CDC6: variants seen among roughly 807,000 people sequenced by gnomAD.
CDC6 encodes the protein DNA replication factor CDC6.
Under a neutral mutation model 60.2 loss-of-function variants are expected in CDC6, and 46 were observed. That is an observed-to-expected ratio of 0.76 (90% confidence interval 0.60 to 0.98). The LOEUF is 0.98. Among genes scored for constraint, CDC6 ranks in the 50% least tolerant of loss-of-function variants. CDC6 has a pLI of 0.00. For missense variants in CDC6, 596 were observed against 652.9 expected (o/e 0.91, Z 0.95); for synonymous variants, 210 against 233.2 (o/e 0.90, Z 0.90).
rs1360683641 is a variant in CDC6, at chr17:40,291,150, C to G, written c.271C>G (p.Leu91Val). 2 of 1,613,994 alleles carry G rather than the reference C, an allele frequency of 1.2e-6. No homozygotes were observed. Among genetic ancestry groups the G allele is most frequent in the African/African-American group, 1.3e-5 (1 of 74,926 alleles). ...KENGPPHSHT[L>V]KGRRLVFDNQ... Reference sequence around the variant, plus strand: ...GAATGGTCCCCCTCACTCACATACACTTAAGGGACGAAGATTGGTATTTGA... The same window carrying G: ...GAATGGTCCCCCTCACTCACATACAGTTAAGGGACGAAGATTGGTATTTGA... The change falls in exon 3 of 12, where the codon CTT (leucine) becomes GTT (valine). Residue 91 changes from leucine (L) to valine (V), a missense_variant. By Grantham distance (32) the Leu-to-Val change is conservative. Coordinates refer to ENST00000209728, the MANE Select transcript of CDC6 (RefSeq NM_001254.4).
At position 40,294,473 on chromosome 17, in the gene CDC6, A is replaced by G. The variant is rs1335292910; in HGVS notation, c.1053A>G (p.Ile351Met). The G allele has an allele frequency of 3.1e-6, 5 of 1,613,988 alleles. No individual in the cohort carries two copies. The highest frequency in any genetic ancestry group is 2.7e-5 in the African/African-American group (2 of 74,952). The change falls in exon 7 of 12, where the codon ATA becomes ATG. Residue 351 changes from isoleucine to methionine, a missense_variant. Coordinates refer to ENST00000209728, the MANE Select transcript of CDC6 (RefSeq NM_001254.4). ...TCCCACCTTATACCAGAAATCAGATAGTCACTATTTTGCAAGATCGACTTA... is the reference window on the plus strand; with the variant it reads ...TCCCACCTTATACCAGAAATCAGATGGTCACTATTTTGCAAGATCGACTTA... The part of the protein sequence containing the change: ...LNFPPYTRNQ[I>M]VTILQDRLNQ...
In CDC6 at chr17:40,295,455, A is replaced by T; in HGVS notation, c.1183A>T (p.Arg395Trp). 1 of 1,590,158 alleles carries T rather than the reference A, an allele frequency of 6.3e-7. No individual in the cohort carries two copies. The highest frequency in any genetic ancestry group is 8.6e-7 in the Non-Finnish European group (1 of 1,158,048). ...TGTTCGCAAAGCACTGGATGTTTGCAGGTGAGTTACGGCTCTGTTGCATTC... is the reference window on the plus strand; with the variant it reads ...TGTTCGCAAAGCACTGGATGTTTGCTGGTGAGTTACGGCTCTGTTGCATTC... ...GDVRKALDVC[R>W]RAIEIVESDV... is the part of the protein sequence containing the mutation. The change falls in exon 8 of 12, where the codon AGG (arginine) becomes TGG (tryptophan). Residue 395 changes from arginine to tryptophan, a missense_variant and splice_region_variant. Physicochemically the swap from Arg to Trp is moderately radical, Grantham distance 101. Transcript: ENST00000209728.
At position 40,297,467 on chromosome 17, in the gene CDC6, G is replaced by A. The variant is rs1184207288; in HGVS notation, c.1249+700G>A. Among the ~76,000 whole-genome samples the A allele has an allele frequency of 3.9e-5, 6 of 152,274 alleles. No homozygotes were observed. The East Asian group carries it at 7.7e-4, about 20-fold the overall frequency. On this transcript the variant is annotated intron_variant, in intron 9 of 11. Transcript: ENST00000209728. ...CACAGGGAGGGGAACATCACACACC[G>A]GAGGCTGTTGGGGGTGGAGGCCAAA...
chr17:40,299,136 G>GTTTTTTTTTTT (rs2032900365), intron 9 of CDC6, among the ~76,000 whole-genome samples: 4 of 101,644 alleles, frequency 3.9e-5, no homozygotes, highest in East Asian at 4.1e-4. Context: ...TAAGGCCATA[G>GTTTTTTTTTTT]TCTTTTTTTT....
At chr17:40,300,002 C>T (rs773659550) in intron 9 of CDC6, among the ~76,000 whole-genome samples, 3 of 151,568 alleles carry the variant, frequency 2.0e-5, no homozygotes, top group South Asian at 2.1e-4. Flanking sequence ...TCACTCTTGT[C>T]GTCCAGGCTG....
At chr17:40,289,703 C>CTTTTT (rs34020648) in intron 2 of CDC6, 105 bp downstream of exon 2, 80 of 333,676 alleles carry the variant, frequency 2.4e-4, no homozygotes, top group East Asian at 5.1e-4. Flanking sequence ...GTTAAGACTT[C>CTTTTT]TTTTTTTTTT....
At chr17:40,298,821 A>G (rs1182034307) in intron 9 of CDC6, among the ~76,000 whole-genome samples, 3 of 152,232 alleles carry the variant, frequency 2.0e-5, no homozygotes, top group Non-Finnish European at 2.9e-5. Flanking sequence ...TGGGTTCTCC[A>G]GCATTGAAGA....
intron 2 of CDC6, 139 bp downstream of exon 2, chr17:40,289,737 C>G: frequency 1.6e-6 from 1 of 625,110 alleles, no homozygotes; most frequent in Non-Finnish European, 2.6e-6. Context: ...GAGACAGAGT[C>G]TCGCTCCATC....
Position 40,291,666 on chromosome 17 carries a change from A to G in CDC6, c.658A>G (p.Lys220Glu). Reference protein sequence around the residue: ...ACLSRILQDLKKELKGFKTIM... With the variant: ...ACLSRILQDLEKELKGFKTIM... ...CTTAAGCCGGATTCTGCAAGACCTC[A>G]AGGTACATTGAGAGTCTGAATTATG... Residue 220 changes from lysine (K) to glutamate (E), a missense_variant and splice_region_variant, in exon 4 of 12, where the codon AAG (lysine) becomes GAG (glutamate). Coordinates refer to ENST00000209728, the MANE Select transcript of CDC6 (RefSeq NM_001254.4). 1 of 1,613,306 alleles carries G rather than the reference A, an allele frequency of 6.2e-7. No individual in the cohort carries two copies. The highest frequency in any genetic ancestry group is 8.5e-7 in the Non-Finnish European group (1 of 1,179,248).
intron 1 of CDC6, 88 bp downstream of exon 1, chr17:40,288,178 G>T (rs143251744): frequency 4.8e-4 from 73 of 153,086 alleles, no homozygotes; most frequent in Non-Finnish European, 7.6e-4. Flanking sequence ...AGTTCTAGCA[G>T]TTATGCGTGG....
chr17:40,291,430 C>T (rs748442327), intron 3 of CDC6, 39 bp from the exon 4 acceptor site: 2 of 1,612,828 alleles, frequency 1.2e-6, no homozygotes, highest in Middle Eastern at 1.7e-4. Flanking sequence ...TCTCATTCAC[C>T]TTCTGTTGTG....
At chr17:40,296,834 TAGAA>T in intron 9 of CDC6, 67 bp downstream of exon 9, 1 of 1,036,854 alleles carries the variant, frequency 9.6e-7, no homozygotes, top group Non-Finnish European at 1.5e-6. Flanking sequence ...AGGAAAGAGG[TAGAA>T]AGATGAAATG....
intron 9 of CDC6, among the ~76,000 whole-genome samples, chr17:40,300,591 C>T (rs1263600960): frequency 6.6e-6 from 1 of 152,142 alleles, no homozygotes; most frequent in African/African-American, 2.4e-5. Flanking sequence ...CACTATTTGG[C>T]CCAGAGAAAG....
Position 40,294,399 on chromosome 17 carries a change from C to T in CDC6, c.979C>T (p.Leu327=), listed in dbSNP as rs2032827208. The T allele has an allele frequency of 5.6e-6, 9 of 1,609,868 alleles. No homozygotes were observed. Among genetic ancestry groups the T allele is most frequent in the Non-Finnish European group, 6.0e-6 (7 of 1,176,180 alleles). ...TACCCTGGATCTCACAGATAGAATT[C>T]TACCTAGGCTTCAAGCTAGAGAAAA... ...ANTLDLTDRI[L]PRLQAREKCK... Residue 327 remains leucine, a synonymous_variant, in exon 7 of 12, where the codon CTA becomes TTA. Coordinates refer to ENST00000209728, the MANE Select transcript of CDC6 (RefSeq NM_001254.4).
At chr17:40,293,675 G>A in intron 5 of CDC6, 44 bp downstream of exon 5, 1 of 1,449,778 alleles carries the variant, frequency 6.9e-7, no homozygotes, top group Non-Finnish European at 9.7e-7. Context: ...AAATCTGCAA[G>A]GTCTGTTGCC....
chr17:40,296,038 T>C (rs4135019), intron 8 of CDC6, among the ~76,000 whole-genome samples: 2,310 of 152,238 alleles, frequency 0.015, 30 homozygotes, highest in Non-Finnish European at 0.023. Context: ...CCCCTATTGC[T>C]ATGCAGAAGA....
At chr17:40,289,680 C>G (rs1330609887) in intron 2 of CDC6, 82 bp downstream of exon 2, 3 of 839,758 alleles carry the variant, frequency 3.6e-6, no homozygotes, top group Non-Finnish European at 5.9e-6. Flanking sequence ...TTTGAAGGAG[C>G]TTTCTAAGTT....
At position 40,303,842 on chromosome 17, in the gene CDC6, A is replaced by G. The variant is rs751246201; in HGVS notation, c.*1841A>G. 2.0e-5 allele frequency: 3 copies of G among 152,278 alleles called. No homozygotes were observed. The highest frequency in any genetic ancestry group is 2.9e-5 in the Non-Finnish European group (2 of 68,056). The allele number at this position is 152,278 out of a possible 1,614,324, so 9.4% of individuals were successfully genotyped here. A position where few individuals can be genotyped will look rare whatever the true frequency, so the allele number is the denominator to read the frequency against. Reference sequence around the variant, plus strand: ...CATTTTATTGGATGCTGCAGCCTTAAGAGACGTGACTGCTTTACAGTTTGT... The same window carrying G: ...CATTTTATTGGATGCTGCAGCCTTAGGAGACGTGACTGCTTTACAGTTTGT... On this transcript the variant is annotated 3_prime_UTR_variant, in exon 12 of 12. Transcript: ENST00000209728.
At position 40,294,031 on chromosome 17, in the gene CDC6, A is replaced by G. The variant is rs1003348960; in HGVS notation, c.918A>G (p.Leu306=). Residue 306 remains leucine, a synonymous_variant, in exon 6 of 12, where the codon CTA becomes CTG. Coordinates refer to ENST00000209728, the MANE Select transcript of CDC6 (RefSeq NM_001254.4). ...ACACGCTATTTGAATGGCCATGGCT[A>G]AGCAATTCTCACTTGGTGCTGATTG... ...VLYTLFEWPW[L]SNSHLVLIGI... 3.7e-6 allele frequency: 6 copies of G among 1,613,378 alleles called. No homozygotes were observed. Among genetic ancestry groups the G allele is most frequent in the Non-Finnish European group, 4.2e-6 (5 of 1,179,390 alleles).
Sources: gnomAD v4.1 joint callset for allele counts (sites outside exome capture counted in the v4.1 genomes callset) on GRCh38, gnomAD v4.1.1 for gene constraint, MANE v1.5 for transcripts, NCBI Gene and HGNC (gene_info 2026-07-23, HGNC 2026-07-21) for gene names.